PRKCB: variants seen among roughly 807,000 people sequenced by gnomAD.
The protein encoded by PRKCB is protein kinase C beta, also known as protein kinase C beta type.
Under a neutral mutation model 81.5 loss-of-function variants are expected in PRKCB, and 13 were observed. That is an observed-to-expected ratio of 0.16 (90% CI 0.10 to 0.25). PRKCB has a LOEUF of 0.25. Ranked by LOEUF, PRKCB falls within the 10% of genes least tolerant of loss-of-function variation. The probability of loss-of-function intolerance (pLI) is 1.00; values close to 1 mark genes in which losing one functional copy is unlikely to be tolerated. For missense variants in PRKCB, 509 were observed against 875.7 expected (o/e 0.58, Z 5.29); for synonymous variants, 335 against 321.4 (o/e 1.04, Z -0.45).
intron 5 of PRKCB, among the ~76,000 whole-genome samples, chr16:24,078,804 G>C (rs1966213230): frequency 6.6e-6 from 1 of 152,170 alleles, no homozygotes; most frequent in Admixed American, 6.5e-5. Flanking sequence ...GAGTAAGTGT[G>C]GAGCAACGCT....
At position 24,165,883 on chromosome 16, in the gene PRKCB, C is replaced by CTT. The variant is rs71154285; in HGVS notation, c.1240-6365_1240-6364dup. 4.7e-3 allele frequency among the ~76,000 whole-genome samples: 446 copies of CTT among 93,972 alleles called. 7 individuals are homozygous for CTT. Among genetic ancestry groups the CTT allele is most frequent in the South Asian group, 7.2e-3 (17 of 2,366 alleles). 61.6% of individuals were successfully genotyped at this position (93,972 alleles called of 152,430 possible). ...AAAGATTTTTTTCTTTTCTTTCTTT[C>CTT]TTTTTTTTTTTTTTTTTTTTTTTGA... On this transcript the variant is annotated intron_variant, in intron 10 of 16. Transcript: ENST00000643927.
At chr16:24,151,392 C>G (rs1967078072) in intron 9 of PRKCB, among the ~76,000 whole-genome samples, 1 of 152,272 alleles carries the variant, frequency 6.6e-6, no homozygotes, top group Non-Finnish European at 1.5e-5. Flanking sequence ...GTTTCCTTTT[C>G]AAATTTAGTT....
chr16:23,933,629 TATCCATCCATCCATCCATCCATCC>T (rs57745059), intron 2 of PRKCB, among the ~76,000 whole-genome samples: 1 of 135,704 alleles, frequency 7.4e-6, no homozygotes, highest in African/African-American at 2.8e-5. Flanking sequence ...TGTGAACTGA[TATCCATCCATCCATCCATCCATCC>T]ATCCATCCAT....
Position 24,200,108 on chromosome 16 carries a change from G to A in PRKCB, c.1863+8878G>A, listed in dbSNP as rs12598441. Among the ~76,000 whole-genome samples the A allele has an allele frequency of 2.6e-5, 4 of 152,260 alleles. No homozygotes were observed. The East Asian group carries it at 7.7e-4, about 29-fold the overall frequency. ...AGATGCAAATCTTATTTGTTCCTTA[G>A]GGCTTTGATTTTGAGGCTGACAAAG... On this transcript the variant is annotated intron_variant, in intron 16 of 16. Transcript: ENST00000643927.
chr16:24,207,504 T>C (rs971205096), intron 16 of PRKCB, among the ~76,000 whole-genome samples: 2 of 152,248 alleles, frequency 1.3e-5, no homozygotes, highest in Admixed American at 1.3e-4. Flanking sequence ...GTATATAATT[T>C]ATAGAATGGG....
chr16:24,077,773 C>T (rs906577724), intron 5 of PRKCB, among the ~76,000 whole-genome samples: 1 of 152,214 alleles, frequency 6.6e-6, no homozygotes, highest in Non-Finnish European at 1.5e-5. Flanking sequence ...AACTTGTCTT[C>T]AAATGGTAGC....
At chr16:24,147,718 A>G (rs405463) in intron 9 of PRKCB, among the ~76,000 whole-genome samples, 55,159 of 151,924 alleles carry the variant, frequency 0.36, 10,370 homozygotes, top group South Asian at 0.47. Flanking sequence ...CATGGATTTA[A>G]GGGACAGGTG....
At chr16:23,980,110 G>A (rs1281851814) in intron 2 of PRKCB, among the ~76,000 whole-genome samples, 2 of 152,228 alleles carry the variant, frequency 1.3e-5, no homozygotes, top group African/African-American at 4.8e-5. Flanking sequence ...GAGAATCATA[G>A]CACCTTCCTC....
chr16:23,856,252 T>C (rs1274027342), intron 2 of PRKCB, among the ~76,000 whole-genome samples: 1 of 152,202 alleles, frequency 6.6e-6, no homozygotes, highest in African/African-American at 2.4e-5. Context: ...ACTTCTGTTA[T>C]GCTACACACT....
chr16:23,864,686 G>C (rs759527850), intron 2 of PRKCB, among the ~76,000 whole-genome samples: 11 of 152,162 alleles, frequency 7.2e-5, no homozygotes, highest in Non-Finnish European at 1.3e-4. Context: ...TCCCTGAGTG[G>C]AGGCTGGGTG....
chr16:24,173,644 C>T (rs1173186453), intron 11 of PRKCB, among the ~76,000 whole-genome samples: 2 of 152,238 alleles, frequency 1.3e-5, no homozygotes, highest in Admixed American at 1.3e-4. Flanking sequence ...TGTCAAGACA[C>T]TTTACATAGT....
intron 3 of PRKCB, among the ~76,000 whole-genome samples, chr16:24,013,815 G>A (rs1348029106): frequency 1.1e-4 from 17 of 151,164 alleles, no homozygotes; most frequent in Admixed American, 1.1e-3. Flanking sequence ...ATCAGAGTTG[G>A]CCTGCACAGA....
intron 2 of PRKCB, among the ~76,000 whole-genome samples, chr16:23,857,127 A>C (rs932860748): frequency 2.0e-5 from 3 of 152,210 alleles, no homozygotes; most frequent in South Asian, 2.1e-4. Context: ...CATATCACAG[A>C]CAAAAGTTAT....
chr16:24,145,822 G>C (rs2141947152), intron 9 of PRKCB, among the ~76,000 whole-genome samples: 1 of 152,354 alleles, frequency 6.6e-6, no homozygotes, highest in East Asian at 1.9e-4. Flanking sequence ...AGCCCCCTTT[G>C]TTGTTTGGTG....
At chr16:23,940,317 A>G (rs1255211917) in intron 2 of PRKCB, among the ~76,000 whole-genome samples, 1 of 152,084 alleles carries the variant, frequency 6.6e-6, no homozygotes, top group East Asian at 1.9e-4. Context: ...CTGCCCTATG[A>G]CCCAGCAGTT....
At chr16:24,095,706 A>G (rs1966430325) in intron 7 of PRKCB, among the ~76,000 whole-genome samples, 1 of 151,988 alleles carries the variant, frequency 6.6e-6, no homozygotes, top group African/African-American at 2.4e-5. Context: ...TCATAATTTA[A>G]AATATACAAC....
intron 2 of PRKCB, among the ~76,000 whole-genome samples, chr16:23,978,597 A>G (rs1182190382): frequency 1.3e-5 from 2 of 152,198 alleles, no homozygotes; most frequent in Non-Finnish European, 2.9e-5. Context: ...TGTGTAAAAT[A>G]CATCATGGAA....
intron 10 of PRKCB, among the ~76,000 whole-genome samples, chr16:24,168,611 C>T (rs893501176): frequency 1.5e-5 from 2 of 130,798 alleles, no homozygotes; most frequent in Admixed American, 9.6e-5. Flanking sequence ...AGTGCAGTGG[C>T]ACCACCATGG....
intron 16 of PRKCB, among the ~76,000 whole-genome samples, chr16:24,196,623 G>A (rs1312866721): frequency 1.3e-5 from 2 of 152,210 alleles, no homozygotes; most frequent in South Asian, 2.1e-4. Flanking sequence ...GCATGCACGA[G>A]TCACCTGGGT....
Sources: allele counts gnomAD v4.1 joint callset (sites outside exome capture counted in the v4.1 genomes callset), GRCh38; gene constraint gnomAD v4.1.1; transcripts MANE v1.5; gene names NCBI Gene and HGNC (gene_info 2026-07-23, HGNC 2026-07-21).